Variants in MAP2 observed in about 807,000 individuals in gnomAD.
MAP2 encodes microtubule associated protein 2.
MAP2 carries 14 observed loss-of-function variants against 137.6 expected under a neutral mutation model. The observed-to-expected ratio is 0.10, with a 90% confidence interval of 0.07 to 0.16. The LOEUF (loss-of-function observed/expected upper bound fraction) is 0.16. Among genes scored for constraint, MAP2 ranks in the 10% least tolerant of loss-of-function variants. The pLI is 1.00. For missense variants in MAP2, 2,088 were observed against 2,191.5 expected (o/e 0.95, Z 0.94); for synonymous variants, 786 against 782.3 (o/e 1.00, Z -0.08).
rs200288911 is a variant in MAP2, at chr2:209,693,727, A to G, written c.1557A>G (p.Lys519=). The part of the protein sequence containing the change: ...DSAMTSKTLE[K]AMTEPSALIE... ...CCATGACCTCTAAAACACTGGAGAA[A>G]GCCATGACCGAACCATCTGCATTAA... Residue 519 remains lysine, a synonymous_variant, in exon 8 of 16, where the codon AAA becomes AAG. Transcript: ENST00000682079. The G allele has an allele frequency of 1.2e-4, 195 of 1,613,162 alleles. No individual in the cohort carries two copies. The highest frequency in any genetic ancestry group is 1.1e-4 in the South Asian group (10 of 90,856).
chr2:209,549,489 A>AG (rs2068737493), intron 2 of MAP2, among the ~76,000 whole-genome samples: 1 of 152,188 alleles, frequency 6.6e-6, no homozygotes, highest in South Asian at 2.1e-4. Flanking sequence ...AGTCAGTCTT[A>AG]GTTACCTATA....
chr2:209,548,997 A>G (rs945389032), intron 2 of MAP2, among the ~76,000 whole-genome samples: 3 of 152,144 alleles, frequency 2.0e-5, no homozygotes, highest in African/African-American at 4.8e-5. Context: ...GCCCTAACAC[A>G]TTTTGGTCTT....
intron 2 of MAP2, among the ~76,000 whole-genome samples, chr2:209,526,789 CTGTT>C (rs2064129499): frequency 6.6e-6 from 1 of 151,348 alleles, no homozygotes; most frequent in Non-Finnish European, 1.5e-5. Context: ...AACGGCATCC[CTGTT>C]TTCTGATGAT....
At chr2:209,607,045 A>G (rs952860909) in intron 3 of MAP2, among the ~76,000 whole-genome samples, 1 of 152,172 alleles carries the variant, frequency 6.6e-6, no homozygotes, top group African/African-American at 2.4e-5. Flanking sequence ...CAGTTAGTAT[A>G]ATAAGGTAAT....
At chr2:209,679,322 CATAG>C (rs3036677) in intron 6 of MAP2, among the ~76,000 whole-genome samples, 59,519 of 148,206 alleles carry the variant, frequency 0.4, 12,864 homozygotes, top group East Asian at 0.51. Flanking sequence ...TGCCCCTACT[CATAG>C]ATAGATAGAT....
At chr2:209,664,765 T>A (rs1255722482) in intron 5 of MAP2, among the ~76,000 whole-genome samples, 1 of 151,492 alleles carries the variant, frequency 6.6e-6, no homozygotes, top group African/African-American at 2.4e-5. Context: ...ATCGGGACTA[T>A]CCTGGCCAAC....
chr2:209,653,381 A>G lies in MAP2; in HGVS notation c.211A>G (p.Lys71Glu). ...HGSQGTYSNT[K>E]ENGINGELTS... ...GTCACAGGGCACCTATTCAAATACC[A>G]AAGAGAATGGGATCAACGGAGAGCT... Residue 71 changes from lysine to glutamate, a missense_variant, in exon 5 of 16, where the codon AAA (lysine) becomes GAA (glutamate). This residue lies in a region of MAP2 where 859 missense variants were observed against 794.5 expected (regional missense o/e 1.08). Transcript: ENST00000682079. 6.2e-7 allele frequency: 1 copy of G among 1,613,770 alleles called. No individual in the cohort carries two copies. The highest frequency in any genetic ancestry group is 1.3e-5 in the African/African-American group (1 of 75,036).
intron 1 of MAP2, among the ~76,000 whole-genome samples, chr2:209,495,114 G>A (rs1477141021): frequency 6.6e-6 from 1 of 152,246 alleles, no homozygotes; most frequent in Non-Finnish European, 1.5e-5. Context: ...GTAAGCTGCT[G>A]TAGCCAGACT....
chr2:209,499,659 C>G (rs1252709914), intron 1 of MAP2, among the ~76,000 whole-genome samples: 1 of 152,102 alleles, frequency 6.6e-6, no homozygotes, highest in Non-Finnish European at 1.5e-5. Flanking sequence ...AAACACAGTG[C>G]CGGCATCAGC....
chr2:209,523,612 A>G (rs957500262), intron 2 of MAP2, among the ~76,000 whole-genome samples: 1 of 152,144 alleles, frequency 6.6e-6, no homozygotes. Flanking sequence ...TCCTGTCGTA[A>G]TTCAGCAGTC....
At chr2:209,434,081 G>GT (rs1695057113) in intron 1 of MAP2, among the ~76,000 whole-genome samples, 1 of 152,002 alleles carries the variant, frequency 6.6e-6, no homozygotes, top group Admixed American at 6.6e-5. Flanking sequence ...AGCGGATCCA[G>GT]TTTCATGATA....
chr2:209,720,723 C>G (rs2070315466), intron 13 of MAP2, among the ~76,000 whole-genome samples: 1 of 147,872 alleles, frequency 6.8e-6, no homozygotes, highest in African/African-American at 2.6e-5. Context: ...AATTATTATT[C>G]AGATTTTTTC....
intron 3 of MAP2, among the ~76,000 whole-genome samples, chr2:209,617,989 A>G (rs979644227): frequency 4.0e-5 from 6 of 151,244 alleles, no homozygotes; most frequent in African/African-American, 1.2e-4. Flanking sequence ...TGAAATAAAG[A>G]AAAAAAAAGG....
At chr2:209,669,001 T>C (rs1305001083) in intron 5 of MAP2, among the ~76,000 whole-genome samples, 1 of 152,106 alleles carries the variant, frequency 6.6e-6, no homozygotes, top group African/African-American at 2.4e-5. Context: ...ACCATGTCTA[T>C]TTAACATTGA....
In MAP2 at chr2:209,730,604, C is replaced by T. The variant is rs2075661483; in HGVS notation, c.*207C>T. 7 of 562,660 alleles carry T rather than the reference C, an allele frequency of 1.2e-5. No individual in the cohort carries two copies. Among genetic ancestry groups the T allele is most frequent in the Non-Finnish European group, 9.5e-6 (3 of 315,616 alleles). The allele number at this position is 562,660 out of a possible 1,614,324, so 34.9% of individuals were successfully genotyped here. A position where few individuals can be genotyped will look rare whatever the true frequency, so the allele number is the denominator to read the frequency against. On this transcript the variant is annotated 3_prime_UTR_variant, in exon 16 of 16. Transcript: ENST00000682079. ...GATTTCCATTTGCAACAGGAAGACA[C>T]TGGCTTTACATGGGTTCAATTGGAC...
chr2:209,516,355 A>G lies in MAP2; in HGVS notation c.-172+8714A>G, dbSNP rs146793109. Reference sequence around the variant, plus strand: ...AATATACTTTTTCCACCTTTTCCTCAAAACTATTGCCTTCTATTAGTGTTC... The same window carrying G: ...AATATACTTTTTCCACCTTTTCCTCGAAACTATTGCCTTCTATTAGTGTTC... On this transcript the variant is annotated intron_variant, in intron 2 of 15. Coordinates refer to ENST00000682079, the MANE Select transcript of MAP2 (RefSeq NM_001375505.1). Among the ~76,000 whole-genome samples, 5 of 152,218 alleles carry G rather than the reference A, an allele frequency of 3.3e-5. No homozygotes were observed. In the East Asian group the frequency reaches 9.7e-4, roughly 29 times the overall value.
At position 209,695,837 on chromosome 2, in the gene MAP2, G is replaced by A; in HGVS notation, c.3667G>A (p.Glu1223Lys). 1 of 1,614,116 alleles carries A rather than the reference G, an allele frequency of 6.2e-7. No homozygotes were observed. The highest frequency in any genetic ancestry group is 8.5e-7 in the Non-Finnish European group (1 of 1,180,014). The change falls in exon 8 of 16, where the codon GAA becomes AAA. Residue 1223 changes from glutamate to lysine, a missense_variant. Glu to Lys is a moderately conservative substitution (Grantham distance 56). Transcript: ENST00000682079. ...TPSDVAEPLH[E>K]TIVSEPAEIQ... is the part of the protein sequence containing the mutation. The stretch of plus-strand genomic sequence containing the variant: ...TTCTGATGTTGCAGAGCCATTGCAT[G>A]AAACGATCGTATCTGAACCAGCAGA...
intron 3 of MAP2, among the ~76,000 whole-genome samples, chr2:209,593,780 CATTATATTATATTATATATAATAT>C: frequency 8.1e-3 from 1 of 124 alleles, no homozygotes; most frequent in Admixed American, 0.17. Context: ...TAATATAATA[CATTATATTATATTATATATAATAT>C]ATAATATAAT....
At chr2:209,711,762 T>A (rs1365153096) in intron 13 of MAP2, among the ~76,000 whole-genome samples, 1 of 152,130 alleles carries the variant, frequency 6.6e-6, no homozygotes, top group East Asian at 1.9e-4. Context: ...TAAAATCAAT[T>A]TAGTACCATT....
Sources: gnomAD v4.1 joint callset for allele counts (sites outside exome capture counted in the v4.1 genomes callset) on GRCh38, gnomAD v4.1.1 for gene constraint, gnomAD v4.1.1 regional missense constraint, MANE v1.5 for transcripts, NCBI Gene and HGNC (gene_info 2026-07-23, HGNC 2026-07-21) for gene names.